The following MGAT4A variants were observed in gnomAD, a reference collection of about 807,000 sequenced individuals.
MGAT4A encodes alpha-1,3-mannosyl-glycoprotein 4-beta-N-acetylglucosaminyltransferase A.
MGAT4A carries 33 observed loss-of-function variants against 74.1 expected under a neutral mutation model. That is an observed-to-expected ratio of 0.45 (90% CI 0.34 to 0.60). The LOEUF is 0.60. Ranked by LOEUF, MGAT4A falls within the 20% of genes least tolerant of loss-of-function variation. The pLI is 0.02. For missense variants in MGAT4A, 479 were observed against 628.3 expected (o/e 0.76, Z 2.54); for synonymous variants, 198 against 210.4 (o/e 0.94, Z 0.51).
Position 98,620,246 on chromosome 2 carries a change from G to A in MGAT4A, c.*5320C>T, listed in dbSNP as rs1342612222. ...AAAGAAAGTAAGCATACTAGTTATC[G>A]TAGCATATAAGATTCATAATTTAAA... On this transcript the variant is annotated 3_prime_UTR_variant, in exon 16 of 16. Transcript: ENST00000393487. The A allele has an allele frequency of 2.0e-5, 3 of 152,078 alleles. No homozygotes were observed. Among genetic ancestry groups the A allele is most frequent in the Non-Finnish European group, 1.5e-5 (1 of 68,016 alleles). 9.4% of individuals were successfully genotyped at this position (152,078 alleles called of 1,614,324 possible).
At chr2:98,715,550 A>G (rs1476711342) in intron 2 of MGAT4A, among the ~76,000 whole-genome samples, 1 of 152,208 alleles carries the variant, frequency 6.6e-6, no homozygotes, top group Non-Finnish European at 1.5e-5. Context: ...ATGCAGGAAC[A>G]GAAAACCAAA....
chr2:98,667,052 C>A (rs113451216), intron 4 of MGAT4A, among the ~76,000 whole-genome samples: 1 of 152,120 alleles, frequency 6.6e-6, no homozygotes, highest in African/African-American at 2.4e-5. Context: ...ATAAGTCTTA[C>A]AAGATCTGAT....
chr2:98,641,703 C>A (rs1265396983), intron 10 of MGAT4A, among the ~76,000 whole-genome samples: 1 of 150,214 alleles, frequency 6.7e-6, no homozygotes, highest in Non-Finnish European at 1.5e-5. Flanking sequence ...AAAAAAAATA[C>A]AAAAATTAGC....
rs534570933 is a variant in MGAT4A at position 98,656,105 on chromosome 2, A to T, written c.698+247T>A. 7.4e-6 allele frequency: 3 copies of T among 407,076 alleles called. No individual in the cohort carries two copies. In the East Asian group the frequency reaches 1.7e-4, roughly 23 times the overall value. 25.2% of individuals were successfully genotyped at this position (407,076 alleles called of 1,614,324 possible). On this transcript the variant is annotated intron_variant, in intron 7 of 15. Coordinates refer to ENST00000393487, the MANE Select transcript of MGAT4A (RefSeq NM_012214.3). Reference sequence around the variant, plus strand: ...AGTGAATTCCTGGTAGCCTACAGAAACACATAAGAGAAGTGGATCTAAAAG... The same window carrying T: ...AGTGAATTCCTGGTAGCCTACAGAATCACATAAGAGAAGTGGATCTAAAAG...
intron 2 of MGAT4A, among the ~76,000 whole-genome samples, chr2:98,693,679 C>CA (rs202080554): frequency 0.31 from 31,126 of 101,206 alleles, 4,130 homozygotes; most frequent in Middle Eastern, 0.4. Flanking sequence ...GAGCTTCTCT[C>CA]AAAAAAAAAA....
intron 2 of MGAT4A, among the ~76,000 whole-genome samples, chr2:98,691,824 G>C (rs1050528118): frequency 2.6e-5 from 4 of 152,190 alleles, no homozygotes; most frequent in Admixed American, 2.0e-4. Flanking sequence ...AGGCCTTCCA[G>C]TGGGACAAGA....
chr2:98,672,591 C>T (rs925225272), intron 4 of MGAT4A, among the ~76,000 whole-genome samples: 1 of 152,214 alleles, frequency 6.6e-6, no homozygotes, highest in Non-Finnish European at 1.5e-5. Flanking sequence ...CTTCTATAAG[C>T]TGGTAATTCC....
chr2:98,649,442 G>C (rs940601839), intron 8 of MGAT4A, among the ~76,000 whole-genome samples: 1 of 152,162 alleles, frequency 6.6e-6, no homozygotes, highest in East Asian at 1.9e-4. Context: ...TCCCTAAGGA[G>C]AGAAAGAAGT....
rs578031204 is a variant in MGAT4A at position 98,652,114 on chromosome 2, A to C, written c.774+3331T>G. On this transcript the variant is annotated intron_variant, in intron 8 of 15. Transcript: ENST00000393487. ...AGAAGAAACAAACACCACCACAATA[A>C]TACTAGGGGGTTTCAATATTCTACT... is the stretch of plus-strand genomic sequence containing the variant. 3.9e-5 allele frequency among the ~76,000 whole-genome samples: 6 copies of C among 152,288 alleles called. No homozygotes were observed. In the East Asian group the frequency reaches 1.2e-3, roughly 29 times the overall value.
At chr2:98,719,715 C>T (rs775667469) in intron 2 of MGAT4A, among the ~76,000 whole-genome samples, 3 of 152,160 alleles carry the variant, frequency 2.0e-5, no homozygotes, top group Admixed American at 6.5e-5. Context: ...GGGGCGATCT[C>T]GGCTCACTGC....
chr2:98,667,970 G>A (rs943956005), intron 4 of MGAT4A, among the ~76,000 whole-genome samples: 13 of 152,052 alleles, frequency 8.5e-5, no homozygotes, highest in South Asian at 4.1e-4. Context: ...CACCCGCCTC[G>A]GCCTCCCAAA....
chr2:98,726,404 A>T lies in MGAT4A; in HGVS notation c.-72T>A. The stretch of plus-strand genomic sequence containing the variant: ...CAGGACTGTTTTCTTTTTACCCTGA[A>T]AGTCAACTGAATGCAGTACTCCTGG... On this transcript the variant is annotated 5_prime_UTR_variant, in exon 2 of 16. Transcript: ENST00000393487. 7.9e-7 allele frequency: 1 copy of T among 1,272,418 alleles called. No individual in the cohort carries two copies. The highest frequency in any genetic ancestry group is 1.1e-6 in the Non-Finnish European group (1 of 891,294). 78.8% of individuals were successfully genotyped at this position (1,272,418 alleles called of 1,614,324 possible). A position where few individuals can be genotyped will look rare whatever the true frequency, so the allele number is the denominator to read the frequency against.
At chr2:98,712,375 G>A (rs142976641) in intron 2 of MGAT4A, among the ~76,000 whole-genome samples, 2 of 152,124 alleles carry the variant, frequency 1.3e-5, no homozygotes, top group African/African-American at 2.4e-5. Context: ...CTCATCACTT[G>A]TCTGGGTCCT....
chr2:98,690,540 T>G lies in MGAT4A; in HGVS notation c.95-12069A>C, dbSNP rs141246967. Among the ~76,000 whole-genome samples the G allele has an allele frequency of 9.2e-3, 1,394 of 152,208 alleles. 15 individuals carry two copies. The highest frequency in any genetic ancestry group is 9.6e-3 in the Non-Finnish European group (651 of 67,996). On this transcript the variant is annotated intron_variant, in intron 2 of 15. Coordinates refer to ENST00000393487, the MANE Select transcript of MGAT4A (RefSeq NM_012214.3). The stretch of plus-strand genomic sequence containing the variant: ...AAATGATGTCAGAAAAGGCCAGCTA[T>G]GACAGACAATGTAAATAAAAGCCAG...
At chr2:98,635,088 A>G (rs1186451440) in intron 14 of MGAT4A, 134 bp downstream of exon 14, 2 of 646,534 alleles carry the variant, frequency 3.1e-6, no homozygotes, top group Non-Finnish European at 5.3e-6. Context: ...CAAGTACTAC[A>G]ACACAGCACA....
chr2:98,680,475 A>G (rs889585223), intron 2 of MGAT4A, among the ~76,000 whole-genome samples: 17 of 152,236 alleles, frequency 1.1e-4, no homozygotes, highest in Admixed American at 3.3e-4. Context: ...TCCCTTACAT[A>G]AAGATCCTTA....
At chr2:98,674,804 T>A (rs1441525247) in intron 4 of MGAT4A, among the ~76,000 whole-genome samples, 5 of 152,236 alleles carry the variant, frequency 3.3e-5, no homozygotes, top group Admixed American at 3.3e-4. Context: ...TTTGTCTGCC[T>A]GGGATGGGGC....
chr2:98,684,404 T>C (rs192064255), intron 2 of MGAT4A, among the ~76,000 whole-genome samples: 1 of 152,338 alleles, frequency 6.6e-6, no homozygotes, highest in Non-Finnish European at 1.5e-5. Context: ...AAATCTAACT[T>C]TTTTAATTGT....
At chr2:98,640,395 A>G (rs1701388551) in intron 10 of MGAT4A, among the ~76,000 whole-genome samples, 167 bp from the exon 11 acceptor site, 2 of 152,160 alleles carry the variant, frequency 1.3e-5, no homozygotes, top group African/African-American at 4.8e-5. Context: ...GGATCACCTG[A>G]GGTCAGGAGT....
Sources: gnomAD v4.1 joint callset for allele counts (sites outside exome capture counted in the v4.1 genomes callset) on GRCh38, gnomAD v4.1.1 for gene constraint, MANE v1.5 for transcripts, NCBI Gene and HGNC (gene_info 2026-07-23, HGNC 2026-07-21) for gene names.